Variants in GRIP1 observed in about 807,000 individuals in gnomAD.
The protein encoded by GRIP1 is glutamate receptor-interacting protein 1.
A neutral mutation model predicts 129.9 loss-of-function variants in GRIP1; 45 were observed. The observed-to-expected ratio is 0.35, with a 90% CI of 0.27 to 0.44. The LOEUF is 0.44. GRIP1 is among the 20% of genes least tolerant of loss of function. GRIP1 has a pLI of 1.00. For synonymous variants in GRIP1, 530 were observed against 520.8 expected (o/e 1.02, Z -0.24); for missense variants, 1,196 against 1,396.8 (o/e 0.86, Z 2.29).
At chr12:66,504,881 G>T (rs769944796) in intron 7 of GRIP1, among the ~76,000 whole-genome samples, 4 of 152,110 alleles carry the variant, frequency 2.6e-5, no homozygotes, top group African/African-American at 4.8e-5. Flanking sequence ...CAGGCACATT[G>T]CTAGGCATTG....
intron 1 of GRIP1, among the ~76,000 whole-genome samples, chr12:66,604,305 G>C (rs552098415): frequency 2.0e-5 from 3 of 152,288 alleles, no homozygotes; most frequent in Admixed American, 6.5e-5. Context: ...TGAAATTAAT[G>C]AGCATGAAAT....
At chr12:66,704,121 A>C (rs949361370) in intron 1 of GRIP1, among the ~76,000 whole-genome samples, 1 of 152,126 alleles carries the variant, frequency 6.6e-6, no homozygotes, top group Non-Finnish European at 1.5e-5. Context: ...GGTGAAATTG[A>C]CTAACTACTC....
chr12:66,798,643 C>T (rs931597638), intron 1 of GRIP1, among the ~76,000 whole-genome samples: 1 of 152,098 alleles, frequency 6.6e-6, no homozygotes, highest in African/African-American at 2.4e-5. Context: ...AACTCTAATA[C>T]TGTTTGAAAT....
At chr12:66,564,601 C>T (rs1038103026) in intron 2 of GRIP1, among the ~76,000 whole-genome samples, 3 of 152,122 alleles carry the variant, frequency 2.0e-5, no homozygotes, top group African/African-American at 7.2e-5. Flanking sequence ...GTGCATGTGT[C>T]TTTATAGCAG....
At chr12:66,784,775 T>C (rs1460455906) in intron 1 of GRIP1, among the ~76,000 whole-genome samples, 1 of 152,052 alleles carries the variant, frequency 6.6e-6, no homozygotes, top group Non-Finnish European at 1.5e-5. Context: ...GTTAGCACTA[T>C]TGTACCTCCA....
intron 16 of GRIP1, among the ~76,000 whole-genome samples, chr12:66,405,615 A>T (rs780615497): frequency 1.1e-3 from 165 of 152,206 alleles, no homozygotes; most frequent in Non-Finnish European, 2.0e-3. Flanking sequence ...TGGAGGGCCT[A>T]AAAAATGTGT....
chr12:66,922,254 C>G (rs1347954120), intron 1 of GRIP1, among the ~76,000 whole-genome samples: 2 of 152,122 alleles, frequency 1.3e-5, no homozygotes, highest in East Asian at 3.9e-4. Context: ...TCAGTAACCC[C>G]CAAAGCAATT....
At position 66,883,083 on chromosome 12, in the gene GRIP1, A is replaced by G. The variant is rs566658894; in HGVS notation, c.58+185967T>C. ...TACCCACTCTGCTTTGTTCATTTCT[A>G]TTCTCTCCACTCCATCCTCACAGCA... is the stretch of plus-strand genomic sequence containing the variant. On this transcript the variant is annotated intron_variant, in intron 1 of 1. Transcript: ENST00000643019. Among the ~76,000 whole-genome samples, 4 of 151,858 alleles carry G rather than the reference A, an allele frequency of 2.6e-5. No homozygotes were observed. The South Asian group carries it at 8.3e-4, about 32-fold the overall frequency.
chr12:66,952,214 G>C (rs2041769513), intron 1 of GRIP1, among the ~76,000 whole-genome samples: 1 of 152,080 alleles, frequency 6.6e-6, no homozygotes, highest in Non-Finnish European at 1.5e-5. Flanking sequence ...GGAGCAGCCA[G>C]AACATTTGAG....
intron 1 of GRIP1, among the ~76,000 whole-genome samples, chr12:66,799,280 T>C (rs1348922919): frequency 2.6e-5 from 4 of 152,116 alleles, no homozygotes; most frequent in South Asian, 2.1e-4. Context: ...AAATATACTA[T>C]AGATGGAAAG....
chr12:66,404,068 C>G (rs889094320), intron 16 of GRIP1, among the ~76,000 whole-genome samples: 10 of 152,210 alleles, frequency 6.6e-5, no homozygotes, highest in Non-Finnish European at 1.5e-4. Context: ...GGCTTCCTCT[C>G]TATTTTGAAA....
intron 1 of GRIP1, among the ~76,000 whole-genome samples, chr12:67,044,497 G>A (rs950992215): frequency 6.6e-6 from 1 of 152,114 alleles, no homozygotes; most frequent in Non-Finnish European, 1.5e-5. Flanking sequence ...TTTTCTAAGT[G>A]GCTGTACATT....
In GRIP1 at chr12:66,684,173, A is replaced by G. The variant is rs1381013797; in HGVS notation, c.-419-53837T>C. 2.0e-5 allele frequency among the ~76,000 whole-genome samples: 3 copies of G among 152,202 alleles called. No homozygotes were observed. In the East Asian group the frequency reaches 5.8e-4, roughly 29 times the overall value. The stretch of plus-strand genomic sequence containing the variant: ...CACTTTGTATTTGGTAGGAAATACA[A>G]TTGTACAATTTGACACTTGCTTACA... On this transcript the variant is annotated intron_variant, in intron 1 of 4. Coordinates refer to the GRIP1 transcript ENST00000538373.
chr12:66,914,653 C>T (rs540412659), intron 1 of GRIP1, among the ~76,000 whole-genome samples: 1 of 152,288 alleles, frequency 6.6e-6, no homozygotes, highest in African/African-American at 2.4e-5. Flanking sequence ...AAAGGAAAAA[C>T]TGGCTCTTAG....
intron 2 of GRIP1, among the ~76,000 whole-genome samples, chr12:66,556,346 G>T (rs2062332925): frequency 6.6e-6 from 1 of 152,140 alleles, no homozygotes; most frequent in Non-Finnish European, 1.5e-5. Flanking sequence ...CTTTAAGCAT[G>T]AAGGAGAAAT....
At chr12:66,850,930 G>A (rs2039900243) in intron 1 of GRIP1, among the ~76,000 whole-genome samples, 1 of 147,930 alleles carries the variant, frequency 6.8e-6, no homozygotes, top group Non-Finnish European at 1.5e-5. Context: ...CTCTGAGCCT[G>A]GACTTTCTTA....
chr12:66,953,671 T>C (rs944640297), intron 1 of GRIP1, among the ~76,000 whole-genome samples: 3 of 152,120 alleles, frequency 2.0e-5, no homozygotes, highest in Non-Finnish European at 2.9e-5. Context: ...CGGGTATTAG[T>C]GGTTTCTTAT....
chr12:66,402,101 G>A (rs182221075), intron 16 of GRIP1, among the ~76,000 whole-genome samples: 3 of 152,256 alleles, frequency 2.0e-5, no homozygotes, highest in Non-Finnish European at 4.4e-5. Context: ...CTACTAGAGT[G>A]TGCCATGCTC....
In GRIP1 at chr12:66,392,460, T is replaced by A. The variant is rs747772513; in HGVS notation, c.2312A>T (p.His771Leu). 5 of 1,614,024 alleles carry A rather than the reference T, an allele frequency of 3.1e-6. No homozygotes were observed. Among genetic ancestry groups the A allele is most frequent in the Non-Finnish European group, 4.2e-6 (5 of 1,180,014 alleles). ...SSPKKFPISS[H>L]LSDLGDVEED... is the part of the protein sequence containing the mutation. Reference sequence around the variant, plus strand: ...CTCCACATCCCCCAGGTCACTCAAATGGCTAGAAATAGGGAACTTCTTGGG... The same window carrying A: ...CTCCACATCCCCCAGGTCACTCAAAAGGCTAGAAATAGGGAACTTCTTGGG... The change falls in exon 19 of 25, where the codon CAT (histidine) becomes CTT (leucine). Residue 771 changes from histidine (H) to leucine (L), a missense_variant. Transcript: ENST00000359742.
Sources: gnomAD v4.1 joint callset for allele counts (sites outside exome capture counted in the v4.1 genomes callset) on GRCh38, gnomAD v4.1.1 for gene constraint, MANE v1.5 for transcripts, NCBI Gene and HGNC (gene_info 2026-07-23, HGNC 2026-07-21) for gene names.